Variants in KLHL20 observed in about 807,000 individuals in gnomAD.
The protein encoded by KLHL20 is kelch-like protein 20.
KLHL20 carries 29 observed loss-of-function variants against 69.5 expected under a neutral mutation model. That is an observed-to-expected ratio of 0.42 (90% confidence interval 0.31 to 0.57). The LOEUF is 0.57. Among genes scored for constraint, KLHL20 ranks in the 20% least tolerant of loss-of-function variants. KLHL20 has a pLI of 0.18. For synonymous variants in KLHL20, 253 were observed against 265.2 expected, an observed-to-expected ratio of 0.95 and a Z score of 0.45; for missense variants, 419 against 776.0, an observed-to-expected ratio of 0.54 and a Z score of 5.47.
chr1:173,722,083 A>G (rs936389389), intron 2 of KLHL20, among the ~76,000 whole-genome samples: 1 of 152,116 alleles, frequency 6.6e-6, no homozygotes, highest in Non-Finnish European at 1.5e-5. Flanking sequence ...CTTTTCAAGA[A>G]GCACTTGTCA....
At chr1:173,740,397 A>G (rs1043696717) in intron 3 of KLHL20, among the ~76,000 whole-genome samples, 1 of 151,872 alleles carries the variant, frequency 6.6e-6, no homozygotes, top group Non-Finnish European at 1.5e-5. Flanking sequence ...AGTGTGAGCC[A>G]CCATGCCCGG....
intron 3 of KLHL20, 21 bp downstream of exon 3, chr1:173,734,307 C>A: frequency 6.2e-7 from 1 of 1,601,748 alleles, no homozygotes; most frequent in South Asian, 1.1e-5. Context: ...CTTGGTGTTC[C>A]AATGCACCCA....
chr1:173,786,591 GAAA>G lies in KLHL20; in HGVS notation c.*1349_*1351del, dbSNP rs141503451. ...AAAGATCATTTGCACCTTTTTCAAG[GAAA>G]AAAAGTATTGAGTAAACAATTGTTT... On this transcript the variant is annotated 3_prime_UTR_variant, in exon 12 of 12. Coordinates refer to ENST00000209884, the MANE Select transcript of KLHL20 (RefSeq NM_014458.4). 531 of 152,034 alleles carry G rather than the reference GAAA, an allele frequency of 3.5e-3. 3 individuals are homozygous for G. Among genetic ancestry groups the G allele is most frequent in the Non-Finnish European group, 5.5e-3 (375 of 67,834 alleles). 9.4% of individuals were successfully genotyped at this position (152,034 alleles called of 1,614,324 possible).
chr1:173,766,786 GT>G lies in KLHL20; in HGVS notation c.1295+505del, dbSNP rs966732235. ...TAGGAAAATGAAAGATCTAAAAAAA[GT>G]TTTTTTTAATTAACAAAAATTATAT... is the stretch of plus-strand genomic sequence containing the variant. On this transcript the variant is annotated intron_variant, in intron 8 of 11. Coordinates refer to ENST00000209884, the MANE Select transcript of KLHL20 (RefSeq NM_014458.4). Among the ~76,000 whole-genome samples the G allele has an allele frequency of 1.6e-4, 25 of 151,754 alleles. 1 individual carries two copies. The highest frequency in any genetic ancestry group is 5.3e-4 in the African/African-American group (22 of 41,306).
chr1:173,724,152 A>G (rs1671841992), intron 2 of KLHL20, among the ~76,000 whole-genome samples: 1 of 151,294 alleles, frequency 6.6e-6, no homozygotes, highest in African/African-American at 2.4e-5. Context: ...ATACACATAC[A>G]TGATATATAT....
chr1:173,729,055 T>C (rs1356549073), intron 2 of KLHL20, among the ~76,000 whole-genome samples: 1 of 152,040 alleles, frequency 6.6e-6, no homozygotes, highest in Non-Finnish European at 1.5e-5. Flanking sequence ...TCACCACCGA[T>C]CCCACAGAAA....
At chr1:173,734,528 A>G in intron 3 of KLHL20, 2 of 480,402 alleles carry the variant, frequency 4.2e-6, no homozygotes, top group Non-Finnish European at 7.5e-6. Context: ...TTAAAAAAAA[A>G]TTTTTAAAAA....
At chr1:173,758,631 CAGG>C (rs1241289705) in intron 7 of KLHL20, among the ~76,000 whole-genome samples, 2 of 152,172 alleles carry the variant, frequency 1.3e-5, no homozygotes, top group East Asian at 1.9e-4. Flanking sequence ...GGTCTGTTTG[CAGG>C]AGAAGTTTCC....
At chr1:173,739,296 C>T (rs1672684999) in intron 3 of KLHL20, among the ~76,000 whole-genome samples, 2 of 152,072 alleles carry the variant, frequency 1.3e-5, no homozygotes, top group African/African-American at 4.8e-5. Context: ...TGGTCTTGAA[C>T]TCCTGAGCTC....
chr1:173,758,134 G>A (rs1313197805), intron 7 of KLHL20, among the ~76,000 whole-genome samples: 1 of 152,034 alleles, frequency 6.6e-6, no homozygotes, highest in African/African-American at 2.4e-5. Flanking sequence ...ACTAGTTGTA[G>A]TGGTGCACGC....
At position 173,733,905 on chromosome 1, in the gene KLHL20, A is replaced by G. The variant is rs1400610847; in HGVS notation, c.216A>G (p.Leu72=). Residue 72 remains leucine (L), a synonymous_variant, in exon 3 of 12, where the codon CTA becomes CTG. Coordinates refer to ENST00000209884, the MANE Select transcript of KLHL20 (RefSeq NM_014458.4). ...RKHRELCDVV[L]VVGAKKIYAH... ...ACCGGGAGCTATGTGATGTGGTGCT[A>G]GTTGTGGGCGCCAAGAAGATATATG... is the stretch of plus-strand genomic sequence containing the variant. 6.2e-7 allele frequency: 1 copy of G among 1,614,150 alleles called. No homozygotes were observed. Among genetic ancestry groups the G allele is most frequent in the Non-Finnish European group, 8.5e-7 (1 of 1,180,028 alleles).
At chr1:173,726,581 T>G (rs1671974329) in intron 2 of KLHL20, among the ~76,000 whole-genome samples, 1 of 152,180 alleles carries the variant, frequency 6.6e-6, no homozygotes, top group South Asian at 2.1e-4. Flanking sequence ...CAGCAACATT[T>G]GTTGTTCACC....
intron 5 of KLHL20, among the ~76,000 whole-genome samples, chr1:173,754,092 C>G (rs1673430346): frequency 6.6e-6 from 1 of 152,110 alleles, no homozygotes; most frequent in South Asian, 2.1e-4. Flanking sequence ...TAGAATGATC[C>G]CTGATTCTAG....
At chr1:173,752,106 G>T (rs1462160953) in intron 4 of KLHL20, among the ~76,000 whole-genome samples, 184 bp downstream of exon 4, 3 of 151,980 alleles carry the variant, frequency 2.0e-5, no homozygotes, top group Non-Finnish European at 4.4e-5. Context: ...CATTGTGGCG[G>T]GCGCCTGTAG....
intron 2 of KLHL20, among the ~76,000 whole-genome samples, chr1:173,725,237 A>G (rs1218141441): frequency 1.3e-5 from 2 of 152,364 alleles, no homozygotes; most frequent in South Asian, 2.1e-4. Context: ...CAGCATTCAC[A>G]TGAATTACAG....
At chr1:173,747,024 AT>A (rs1448342212) in intron 3 of KLHL20, among the ~76,000 whole-genome samples, 7 of 151,174 alleles carry the variant, frequency 4.6e-5, no homozygotes, top group Admixed American at 3.3e-4. Flanking sequence ...GTGTTTTTTA[AT>A]TTCATTTTTA....
chr1:173,773,370 C>T (rs1428998575), intron 8 of KLHL20, among the ~76,000 whole-genome samples: 1 of 150,178 alleles, frequency 6.7e-6, no homozygotes, highest in Non-Finnish European at 1.5e-5. Context: ...TTGCTTGAGG[C>T]CAGGAGTTTG....
intron 3 of KLHL20, among the ~76,000 whole-genome samples, chr1:173,748,120 A>C (rs1673151704): frequency 1.3e-5 from 2 of 152,108 alleles, no homozygotes; most frequent in Non-Finnish European, 2.9e-5. Context: ...AAGAAGAAAC[A>C]GAAAAACAGA....
chr1:173,742,839 T>TA (rs1672881619), intron 3 of KLHL20, among the ~76,000 whole-genome samples: 1 of 151,620 alleles, frequency 6.6e-6, no homozygotes, highest in Admixed American at 6.6e-5. Flanking sequence ...TAAGAAACAT[T>TA]AAAACATTAT....
Sources: allele counts gnomAD v4.1 joint callset (sites outside exome capture counted in the v4.1 genomes callset), GRCh38; gene constraint gnomAD v4.1.1; transcripts MANE v1.5; gene names NCBI Gene and HGNC (gene_info 2026-07-23, HGNC 2026-07-21).